Variants in GPR160 observed in about 807,000 individuals in gnomAD.
The protein encoded by GPR160 is G protein-coupled receptor 160, also known as probable G protein-coupled receptor 160.
Under a neutral mutation model 2.6 loss-of-function variants are expected in GPR160, and 2 were observed. The observed-to-expected ratio is 0.77, with a 90% CI of 0.32 to 2.44. The LOEUF (loss-of-function observed/expected upper bound fraction) is 2.44, where lower values mean the gene tolerates loss of function less well. Among genes scored for constraint, GPR160 ranks in the 30% most tolerant of loss-of-function variants. The pLI, the probability that GPR160 is intolerant of heterozygous loss-of-function variation, is 0.11. For missense variants in GPR160, 351 were observed against 383.6 expected (o/e 0.91, Z 0.71); for synonymous variants, 130 against 132.2 (o/e 0.98, Z 0.12).
In GPR160 at chr3:170,084,823, A is replaced by G. The variant is rs1713341347; in HGVS notation, c.851A>G (p.Asn284Ser). The change falls in exon 4 of 4, where the codon AAT (asparagine) becomes AGT (serine). Residue 284 changes from asparagine to serine, a missense_variant. By Grantham distance (46) the Asn-to-Ser change is conservative (BLOSUM62 1). Coordinates refer to ENST00000355897, the MANE Select transcript of GPR160 (RefSeq NM_014373.3). ...AATATTCCCTGGTTATACTTTGTCAATAGTTTTCTCATTGCTACAGTGTAT... is the reference window on the plus strand; with the variant it reads ...AATATTCCCTGGTTATACTTTGTCAGTAGTTTTCTCATTGCTACAGTGTAT... ...EMNIPWLYFV[N>S]SFLIATVYWF... The G allele has an allele frequency of 6.2e-7, 1 of 1,609,684 alleles. No individual in the cohort carries two copies. Among genetic ancestry groups the G allele is most frequent in the Non-Finnish European group, 8.5e-7 (1 of 1,176,588 alleles).
intron 2 of GPR160, among the ~76,000 whole-genome samples, chr3:170,040,662 C>CA (rs1352257097): frequency 6.6e-6 from 1 of 152,196 alleles, no homozygotes; most frequent in Non-Finnish European, 1.5e-5. Flanking sequence ...CATCAAAAAA[C>CA]AGAGTTTGCA....
At chr3:170,044,198 C>T (rs1304715103) in intron 2 of GPR160, among the ~76,000 whole-genome samples, 1 of 151,562 alleles carries the variant, frequency 6.6e-6, no homozygotes, top group African/African-American at 2.4e-5. Context: ...GTGGTGTATG[C>T]CTGTAATCCC....
rs776960288 is a variant in GPR160, at chr3:170,083,948, G to A, written c.-25G>A. The A allele has an allele frequency of 1.9e-5, 26 of 1,351,542 alleles. No individual in the cohort carries two copies. Among genetic ancestry groups the A allele is most frequent in the Non-Finnish European group, 2.5e-5 (25 of 1,017,412 alleles). The allele number at this position is 1,351,542 out of a possible 1,614,324, so 83.7% of individuals were successfully genotyped here. A position where few individuals can be genotyped will look rare whatever the true frequency, so the allele number is the denominator to read the frequency against. ...TGTTTTATCATGTGTATTTCAGCAGGTCTTCTTGAAATTTAACTAAAAATA... is the reference window on the plus strand; with the variant it reads ...TGTTTTATCATGTGTATTTCAGCAGATCTTCTTGAAATTTAACTAAAAATA... On this transcript the variant is annotated 5_prime_UTR_variant, in exon 4 of 4. Coordinates refer to ENST00000355897, the MANE Select transcript of GPR160 (RefSeq NM_014373.3).
At chr3:170,045,030 G>A (rs1004924565) in intron 2 of GPR160, among the ~76,000 whole-genome samples, 1 of 152,164 alleles carries the variant, frequency 6.6e-6, no homozygotes, top group African/African-American at 2.4e-5. Flanking sequence ...CATGACAGTT[G>A]AAGTTTCTCT....
chr3:170,064,514 CTTTTTTTTTTTTTT>C (rs1175382810), intron 2 of GPR160, among the ~76,000 whole-genome samples: 1 of 81,052 alleles, frequency 1.2e-5, no homozygotes, highest in African/African-American at 4.1e-5. Flanking sequence ...CTTTTCTTTT[CTTTTTTTTTTTTTT>C]TTTTTTTTGA....
At chr3:170,044,761 T>C (rs1459950771) in intron 2 of GPR160, among the ~76,000 whole-genome samples, 2 of 152,158 alleles carry the variant, frequency 1.3e-5, no homozygotes, top group African/African-American at 2.4e-5. Context: ...GAGGGGTTCC[T>C]AGGACTTGCA....
intron 2 of GPR160, among the ~76,000 whole-genome samples, chr3:170,074,793 T>G (rs1400966533): frequency 6.6e-6 from 1 of 152,076 alleles, no homozygotes; most frequent in Non-Finnish European, 1.5e-5. Context: ...TTATTTTTGT[T>G]TGTTTTAATT....
chr3:170,044,799 G>T (rs1716631171), intron 2 of GPR160, among the ~76,000 whole-genome samples: 1 of 152,110 alleles, frequency 6.6e-6, no homozygotes, highest in South Asian at 2.1e-4. Flanking sequence ...ATCCTTCTCT[G>T]CCTACCACTC....
chr3:170,072,067 C>CTTTTTTT (rs1202875086), intron 2 of GPR160, among the ~76,000 whole-genome samples: 10 of 85,962 alleles, frequency 1.2e-4, no homozygotes, highest in African/African-American at 2.6e-4. Flanking sequence ...TGTATACAAG[C>CTTTTTTT]TTTTTTTTTT....
At chr3:170,074,682 C>T (rs763578204) in intron 2 of GPR160, among the ~76,000 whole-genome samples, 11 of 151,830 alleles carry the variant, frequency 7.2e-5, no homozygotes, top group African/African-American at 1.5e-4. Flanking sequence ...GAGGTTTTGC[C>T]GTGTTGCCCA....
chr3:170,080,136 CTT>C (rs1032650387), intron 3 of GPR160, among the ~76,000 whole-genome samples: 14 of 152,300 alleles, frequency 9.2e-5, no homozygotes, highest in African/African-American at 2.6e-4. Context: ...TTGTAAATCT[CTT>C]GAGTCCCTGT....
intron 2 of GPR160, among the ~76,000 whole-genome samples, chr3:170,040,211 C>T (rs1388931165): frequency 6.6e-6 from 1 of 152,126 alleles, no homozygotes; most frequent in Non-Finnish European, 1.5e-5. Context: ...ATAGTTGAAG[C>T]TGGATGATGG....
At chr3:170,080,631 T>G (rs1713076828) in intron 3 of GPR160, among the ~76,000 whole-genome samples, 1 of 152,198 alleles carries the variant, frequency 6.6e-6, no homozygotes, top group Non-Finnish European at 1.5e-5. Context: ...TTTTGTCATC[T>G]TCCAGGTGCC....
chr3:170,066,346 A>G (rs1712344341), intron 2 of GPR160, among the ~76,000 whole-genome samples: 1 of 151,604 alleles, frequency 6.6e-6, no homozygotes, highest in African/African-American at 2.4e-5. Context: ...TCACCATGTT[A>G]GCCAGGATGG....
At chr3:170,052,011 C>T (rs990228854) in intron 2 of GPR160, among the ~76,000 whole-genome samples, 1 of 152,126 alleles carries the variant, frequency 6.6e-6, no homozygotes, top group East Asian at 1.9e-4. Flanking sequence ...CTGCAACCTC[C>T]ACCTCCCAGG....
In GPR160 at chr3:170,045,408, C is replaced by CAAAAAAAAAAAAAAAAAAAAA. The variant is rs368019452; in HGVS notation, c.-193+6384_-193+6404dup. Among the ~76,000 whole-genome samples, 5 of 33,656 alleles carry CAAAAAAAAAAAAAAAAAAAAA rather than the reference C, an allele frequency of 1.5e-4. 1 individual carries two copies. Among genetic ancestry groups the CAAAAAAAAAAAAAAAAAAAAA allele is most frequent in the Non-Finnish European group, 2.8e-4 (5 of 18,160 alleles). 22.1% of individuals were successfully genotyped at this position (33,656 alleles called of 152,430 possible). A position where few individuals can be genotyped will look rare whatever the true frequency, so the allele number is the denominator to read the frequency against. On this transcript the variant is annotated intron_variant, in intron 2 of 3. Transcript: ENST00000355897. ...TGAAACCCTGTCTCTACTAAAAATA[C>CAAAAAAAAAAAAAAAAAAAAA]AAAAAAAAAAAAAAAAAAAAAAAAA...
At chr3:170,043,230 G>A (rs1482871588) in intron 2 of GPR160, among the ~76,000 whole-genome samples, 1 of 151,950 alleles carries the variant, frequency 6.6e-6, no homozygotes, top group African/African-American at 2.4e-5. Flanking sequence ...TGCCCAGGCT[G>A]GAGTGCAATG....
chr3:170,044,045 A>G (rs1165692263), intron 2 of GPR160, among the ~76,000 whole-genome samples: 3 of 151,672 alleles, frequency 2.0e-5, no homozygotes, highest in Non-Finnish European at 4.4e-5. Context: ...ATATAGGTTG[A>G]GAGGCTCTTG....
At chr3:170,082,712 C>T (rs559927319) in intron 3 of GPR160, among the ~76,000 whole-genome samples, 13 of 152,252 alleles carry the variant, frequency 8.5e-5, no homozygotes, top group African/African-American at 3.1e-4. Flanking sequence ...CCTCTCACCT[C>T]AGCCTCTTGA....
Sources: allele counts gnomAD v4.1 joint callset (sites outside exome capture counted in the v4.1 genomes callset), GRCh38; gene constraint gnomAD v4.1.1; transcripts MANE v1.5; gene names NCBI Gene and HGNC (gene_info 2026-07-23, HGNC 2026-07-21).